PDXK: variants seen among roughly 807,000 people sequenced by gnomAD.
PDXK encodes pyridoxal kinase.
In PDXK, 15 loss-of-function variants were observed where a neutral mutation model predicts 43.2. The observed-to-expected ratio is 0.35, with a 90% CI of 0.23 to 0.53. PDXK has a LOEUF of 0.53. PDXK is among the 20% of genes least tolerant of loss of function. PDXK has a pLI of 0.92. For synonymous variants in PDXK, 172 were observed against 165.4 expected, an observed-to-expected ratio of 1.04 and a Z score of -0.31; for missense variants, 343 against 417.0, an observed-to-expected ratio of 0.82 and a Z score of 1.54.
chr21:43,755,665 G>A (rs374796782), intron 9 of PDXK, 33 bp from the exon 10 acceptor site: 121 of 1,576,444 alleles, frequency 7.7e-5, no homozygotes, highest in African/African-American at 7.3e-4. Context: ...TTGTGAGTGG[G>A]CCAGGGGCAC....
At position 43,737,484 on chromosome 21, in the gene PDXK, AG is replaced by A; in HGVS notation, c.142+3364del. 6.7e-6 allele frequency: 7 copies of A among 1,049,980 alleles called. No homozygotes were observed. The highest frequency in any genetic ancestry group is 6.9e-6 in the Non-Finnish European group (6 of 867,424). The allele number at this position is 1,049,980 out of a possible 1,614,324, so 65.0% of individuals were successfully genotyped here. On this transcript the variant is annotated intron_variant, in intron 2 of 10. Transcript: ENST00000291565. The surrounding 1 kb of genome is among the most constrained non-coding windows in gnomAD (Gnocchi z 4.8). ...CTCCCTGTCTGAGCTTCCCGGACTG[AG>A]GGCACTGGGAAGGAGCCTGCGGAGC...
intron 8 of PDXK, among the ~76,000 whole-genome samples, chr21:43,753,111 T>C (rs2083782493): frequency 6.6e-6 from 1 of 152,112 alleles, no homozygotes; most frequent in Non-Finnish European, 1.5e-5. Context: ...TAGGCACAAA[T>C]GCACATACAC....
At chr21:43,726,945 G>T (rs569746017) in intron 1 of PDXK, among the ~76,000 whole-genome samples, 90 of 152,172 alleles carry the variant, frequency 5.9e-4, no homozygotes, top group Non-Finnish European at 1.1e-3. Flanking sequence ...TGTGCATGGC[G>T]TGTGTGCACA....
At position 43,732,770 on chromosome 21, in the gene PDXK, CAT is replaced by C. The variant is rs1430709760; in HGVS notation, c.88-1296_88-1295del. The C allele has an allele frequency of 3.3e-6, 2 of 614,634 alleles. No homozygotes were observed. Among genetic ancestry groups the C allele is most frequent in the Non-Finnish European group, 5.7e-6 (2 of 350,206 alleles). 38.1% of individuals were successfully genotyped at this position (614,634 alleles called of 1,614,324 possible). A position where few individuals can be genotyped will look rare whatever the true frequency, so the allele number is the denominator to read the frequency against. Reference sequence around the variant, plus strand: ...ATTTTTATTTTTATGTTTTTTGAGACATATTCTCACTCCGTCACCCAGGCTAG... The same window carrying C: ...ATTTTTATTTTTATGTTTTTTGAGACATTCTCACTCCGTCACCCAGGCTAG... On this transcript the variant is annotated intron_variant, in intron 1 of 10. Coordinates refer to ENST00000291565, the MANE Select transcript of PDXK (RefSeq NM_003681.5). The surrounding 1 kb of genome is among the most constrained non-coding windows in gnomAD (Gnocchi z 4.1).
intron 1 of PDXK, chr21:43,719,908 G>A (rs368441190): frequency 7.1e-6 from 7 of 985,356 alleles, no homozygotes; most frequent in Admixed American, 6.1e-5. Context: ...CGGTGCCCAC[G>A]AGGGTGGATT....
chr21:43,731,210 A>G (rs746026101), intron 1 of PDXK, among the ~76,000 whole-genome samples: 2 of 152,166 alleles, frequency 1.3e-5, no homozygotes, highest in South Asian at 2.1e-4. Context: ...GCGTGGCCCA[A>G]TCCATCTTCA....
At chr21:43,748,833 G>A (rs995420628) in intron 5 of PDXK, among the ~76,000 whole-genome samples, 162 bp from the exon 6 acceptor site, 5 of 152,206 alleles carry the variant, frequency 3.3e-5, no homozygotes, top group African/African-American at 7.2e-5. Flanking sequence ...CGCTGTCCCC[G>A]TGGTGGGAAC....
intron 2 of PDXK, among the ~76,000 whole-genome samples, chr21:43,736,390 C>T (rs779726581): frequency 2.6e-5 from 4 of 152,168 alleles, no homozygotes; most frequent in Non-Finnish European, 4.4e-5. Flanking sequence ...GACCAGCTCA[C>T]GCCCTGTGTG....
At position 43,735,078 on chromosome 21, in the gene PDXK, C is replaced by T. The variant is rs1366063275; in HGVS notation, c.142+955C>T. Among the ~76,000 whole-genome samples, 1 of 152,226 alleles carries T rather than the reference C, an allele frequency of 6.6e-6. No individual in the cohort carries two copies. Among genetic ancestry groups the T allele is most frequent in the Non-Finnish European group, 1.5e-5 (1 of 68,046 alleles). On this transcript the variant is annotated intron_variant, in intron 2 of 10. Transcript: ENST00000291565. This position sits in a 1 kb window ranked among gnomAD's most constrained non-coding sequence, Gnocchi z 5.3. ...TGCTTGGCCGGTGCAGACGGACAGG[C>T]TCCAGCTCTTGGCGGTGCAGATGGA...
intron 1 of PDXK, chr21:43,719,742 T>C (rs2083191166): frequency 1.0e-6 from 1 of 985,252 alleles, no homozygotes; most frequent in African/African-American, 1.7e-5. Context: ...GGCGAGGAAA[T>C]GTCGCAGAGC....
At chr21:43,753,432 T>C (rs1258855579) in intron 8 of PDXK, 151 bp from the exon 9 acceptor site, 3 of 642,250 alleles carry the variant, frequency 4.7e-6, no homozygotes, top group African/African-American at 1.9e-5. Flanking sequence ...ACCCCATGCA[T>C]GCCCTGAGCC....
At position 43,761,840 on chromosome 21, in the gene PDXK, T is replaced by C. The variant is rs368432880; in HGVS notation, c.*5777T>C. On this transcript the variant is annotated 3_prime_UTR_variant, in exon 11 of 11. Transcript: ENST00000291565. The stretch of plus-strand genomic sequence containing the variant: ...CCATGAGGTGTCTGAAGCCCCTTCT[T>C]GGTGATGGGAGGCAGAGGTGCTGAC... 5.9e-5 allele frequency: 9 copies of C among 153,364 alleles called. No homozygotes were observed. Among genetic ancestry groups the C allele is most frequent in the Admixed American group, 3.3e-4 (5 of 15,298 alleles). The allele number at this position is 153,364 out of a possible 1,614,324, so 9.5% of individuals were successfully genotyped here. A position where few individuals can be genotyped will look rare whatever the true frequency, so the allele number is the denominator to read the frequency against.
chr21:43,750,100 G>T (rs2083708345), intron 6 of PDXK, among the ~76,000 whole-genome samples: 1 of 152,202 alleles, frequency 6.6e-6, no homozygotes, highest in African/African-American at 2.4e-5. Flanking sequence ...CCAAACTTGG[G>T]GGTGGCATCT....
At chr21:43,726,558 G>A (rs143735285) in intron 1 of PDXK, among the ~76,000 whole-genome samples, 44 of 152,168 alleles carry the variant, frequency 2.9e-4, no homozygotes, top group Middle Eastern at 3.4e-3. Flanking sequence ...TTACGGCTGA[G>A]CCACCGCGCC....
rs1224683389 is a variant in PDXK, at chr21:43,729,633, A to G, written c.88-4436A>G. On this transcript the variant is annotated intron_variant, in intron 1 of 10. Coordinates refer to ENST00000291565, the MANE Select transcript of PDXK (RefSeq NM_003681.5). The stretch of plus-strand genomic sequence containing the variant: ...GCGGGTGGGGAATGCACATGAGGGG[A>G]GCTAGGAGCAGAACAGTAGCACGGG... Among the ~76,000 whole-genome samples, 5 of 152,058 alleles carry G rather than the reference A, an allele frequency of 3.3e-5. No individual in the cohort carries two copies. The South Asian group carries it at 1.0e-3, about 32-fold the overall frequency.
chr21:43,752,585 C>T lies in PDXK; in HGVS notation c.578C>T (p.Pro193Leu), dbSNP rs761522363. ...ATCACCAGCTCCGACCTGCCCTCCC[C>T]GCAGGGCAGCAACTACCTGATTGTG... is the stretch of plus-strand genomic sequence containing the variant. The part of the protein sequence containing the change: ...VVITSSDLPS[P>L]QGSNYLIVLG... Residue 193 changes from proline to leucine, a missense_variant, in exon 8 of 11, where the codon CCG (proline) becomes CTG (leucine). Physicochemically the swap from Pro to Leu is moderately conservative, Grantham distance 98. Transcript: ENST00000291565. 2.4e-5 allele frequency: 39 copies of T among 1,612,688 alleles called. No individual in the cohort carries two copies. The highest frequency in any genetic ancestry group is 1.6e-4 in the Middle Eastern group (1 of 6,082).
intron 10 of PDXK, 77 bp downstream of exon 10, chr21:43,755,841 T>A (rs946259729): frequency 1.0e-5 from 15 of 1,483,056 alleles, no homozygotes; most frequent in Non-Finnish European, 1.4e-5. Flanking sequence ...TGGCACGTGC[T>A]GGTTTTGAAG....
intron 1 of PDXK, among the ~76,000 whole-genome samples, chr21:43,733,255 C>CCCCCCCCCCCG (rs2083346923): frequency 1.3e-4 from 8 of 59,870 alleles, no homozygotes; most frequent in Non-Finnish European, 1.7e-4. Flanking sequence ...CCATCCCCAC[C>CCCCCCCCCCCG]CCCCCCCCCG....
chr21:43,760,870 T>C lies in PDXK; in HGVS notation c.*4807T>C, dbSNP rs1283752843. 6.6e-6 allele frequency: 1 copy of C among 152,240 alleles called. No homozygotes were observed. Among genetic ancestry groups the C allele is most frequent in the African/African-American group, 2.4e-5 (1 of 41,456 alleles). The allele number at this position is 152,240 out of a possible 1,614,324, so 9.4% of individuals were successfully genotyped here. On this transcript the variant is annotated 3_prime_UTR_variant, in exon 11 of 11. Coordinates refer to ENST00000291565, the MANE Select transcript of PDXK (RefSeq NM_003681.5). ...CTTTCTGTCGCATGTGTGTCTCCTGTCGACTCTGCAGTTTGTTCTCAGAGC... is the reference window on the plus strand; with the variant it reads ...CTTTCTGTCGCATGTGTGTCTCCTGCCGACTCTGCAGTTTGTTCTCAGAGC...
Sources: allele counts gnomAD v4.1 joint callset (sites outside exome capture counted in the v4.1 genomes callset), GRCh38; gene constraint gnomAD v4.1.1; non-coding constraint Gnocchi (gnomAD v3.1); transcripts MANE v1.5; gene names NCBI Gene and HGNC (gene_info 2026-07-23, HGNC 2026-07-21).